The following MIA2 variants were observed in gnomAD, a reference collection of about 807,000 sequenced individuals.
MIA2 encodes the protein melanoma inhibitory activity protein 2.
Under a neutral mutation model 167.8 loss-of-function variants are expected in MIA2, and 127 were observed. The observed-to-expected ratio is 0.76, with a 90% CI of 0.66 to 0.88. The LOEUF (loss-of-function observed/expected upper bound fraction) is 0.88, where lower values mean the gene tolerates loss of function less well. Among genes scored for constraint, MIA2 ranks in the 40% least tolerant of loss-of-function variants. MIA2 has a pLI of 0.00. For synonymous variants in MIA2, 552 were observed against 541.9 expected, an observed-to-expected ratio of 1.02 and a Z score of -0.26; for missense variants, 1,690 against 1,624.7, an observed-to-expected ratio of 1.04 and a Z score of -0.69.
chr14:39,385,961 G>T (rs2075266999), intron 23 of MIA2: 1 of 816,144 alleles, frequency 1.2e-6, no homozygotes, highest in African/African-American at 1.7e-5. Context: ...GGAGGACCAG[G>T]AGCCTGTCCG....
chr14:39,319,847 C>T (rs888736189), intron 23 of MIA2, among the ~76,000 whole-genome samples: 2 of 151,882 alleles, frequency 1.3e-5, no homozygotes, highest in Admixed American at 1.3e-4. Flanking sequence ...TTAGGGTCTG[C>T]AGTGATCTCA....
At chr14:39,336,788 C>T (rs577114721) in intron 25 of MIA2, among the ~76,000 whole-genome samples, 81 of 151,928 alleles carry the variant, frequency 5.3e-4, no homozygotes, top group Non-Finnish European at 9.6e-4. Context: ...ACTTTGTCAC[C>T]CAGCTAGAGT....
At chr14:39,242,954 C>A (rs949647642) in intron 3 of MIA2, among the ~76,000 whole-genome samples, 3 of 151,790 alleles carry the variant, frequency 2.0e-5, no homozygotes, top group African/African-American at 7.3e-5. Flanking sequence ...GAAACCCCGT[C>A]TCTACTAAAA....
intron 25 of MIA2, among the ~76,000 whole-genome samples, chr14:39,336,971 G>T (rs1195494710): frequency 6.6e-6 from 1 of 152,010 alleles, no homozygotes; most frequent in South Asian, 2.1e-4. Context: ...ACCCAGTCTG[G>T]TGTCAAACTC....
intron 19 of MIA2, 75 bp from the exon 20 acceptor site, chr14:39,314,663 TA>T: frequency 2.8e-6 from 2 of 710,078 alleles, no homozygotes; most frequent in Non-Finnish European, 4.1e-6. Context: ...TTCTAATAAA[TA>T]TTTTTTTAGT....
At chr14:39,289,427 C>CTGT (rs1006129706) in intron 9 of MIA2, among the ~76,000 whole-genome samples, 1 of 152,068 alleles carries the variant, frequency 6.6e-6, no homozygotes, top group African/African-American at 2.4e-5. Context: ...GTTGGCTAGG[C>CTGT]TGTTCTTGAA....
intron 6 of MIA2, among the ~76,000 whole-genome samples, chr14:39,264,281 AT>A (rs2055310824): frequency 1.3e-5 from 2 of 152,106 alleles, no homozygotes; most frequent in African/African-American, 4.8e-5. Flanking sequence ...ATGTGACTTC[AT>A]TTTTTATGGC....
At chr14:39,384,806 ACAT>A (rs2075241249) in intron 23 of MIA2, among the ~76,000 whole-genome samples, 1 of 151,978 alleles carries the variant, frequency 6.6e-6, no homozygotes, top group Non-Finnish European at 1.5e-5. Flanking sequence ...ACACACACAC[ACAT>A]CTTATTTTCA....
intron 23 of MIA2, among the ~76,000 whole-genome samples, chr14:39,374,826 G>T: frequency 6.6e-6 from 1 of 152,208 alleles, no homozygotes; most frequent in Middle Eastern, 3.4e-3. Flanking sequence ...CTCATTTTGC[G>T]TGTAATACTT....
intron 13 of MIA2, among the ~76,000 whole-genome samples, chr14:39,297,827 T>A (rs137979977): frequency 6.6e-6 from 1 of 152,268 alleles, no homozygotes; most frequent in East Asian, 1.9e-4. Context: ...TCCTCCTTTT[T>A]TCCAGTCCTG....
chr14:39,285,741 C>A (rs1251451976), intron 9 of MIA2, among the ~76,000 whole-genome samples: 1 of 148,510 alleles, frequency 6.7e-6, no homozygotes, highest in Admixed American at 6.8e-5. Context: ...AGCTGCCGGG[C>A]GGAGGGGCTC....
chr14:39,272,551 TCTGC>T (rs1366294197), intron 6 of MIA2, among the ~76,000 whole-genome samples: 1 of 152,226 alleles, frequency 6.6e-6, no homozygotes, highest in Non-Finnish European at 1.5e-5. Context: ...CCCGCCCCTA[TCTGC>T]CTGGGCATTT....
intron 13 of MIA2, among the ~76,000 whole-genome samples, chr14:39,298,624 CAG>C (rs2061886169): frequency 7.3e-6 from 1 of 137,274 alleles, no homozygotes; most frequent in Non-Finnish European, 1.5e-5. Flanking sequence ...TCAGCCAGAA[CAG>C]AGTTTTAAAG....
At chr14:39,387,972 C>T (rs79853499) in exon 24 of MIA2, 2,898 of 152,246 alleles carry the variant, frequency 0.019, 78 homozygotes, top group African/African-American at 0.064. Context: ...ACACCTAATA[C>T]ATTTCAGTAT....
At chr14:39,251,924 A>T (rs1157567465) in intron 4 of MIA2, among the ~76,000 whole-genome samples, 13 of 152,150 alleles carry the variant, frequency 8.5e-5, no homozygotes, top group Non-Finnish European at 1.8e-4. Flanking sequence ...ACAAATGCAT[A>T]CATAGCAGGA....
At chr14:39,382,551 C>T (rs560866949) in intron 23 of MIA2, among the ~76,000 whole-genome samples, 151 of 152,236 alleles carry the variant, frequency 9.9e-4, no homozygotes, top group African/African-American at 3.4e-3. Context: ...AGTATGGTCA[C>T]GTTACTGAAT....
At chr14:39,266,895 A>C (rs971549249) in intron 6 of MIA2, 3 of 702,614 alleles carry the variant, frequency 4.3e-6, no homozygotes, top group Non-Finnish European at 5.3e-6. Context: ...CGCCGCCGCC[A>C]CCGCGGCCGC....
chr14:39,265,269 G>C (rs17693279), intron 6 of MIA2: 1 of 761,542 alleles, frequency 1.3e-6, no homozygotes, highest in East Asian at 2.8e-5. Flanking sequence ...ATGTCAAAAC[G>C]GGATCACAGT....
intron 6 of MIA2, among the ~76,000 whole-genome samples, chr14:39,260,487 T>G (rs1259650227): frequency 6.6e-6 from 1 of 152,248 alleles, no homozygotes; most frequent in Non-Finnish European, 1.5e-5. Context: ...ATGTGGCTGT[T>G]GGCTGCATAA....
Sources: gnomAD v4.1 joint callset for allele counts (sites outside exome capture counted in the v4.1 genomes callset) on GRCh38, gnomAD v4.1.1 for gene constraint, MANE v1.5 for transcripts, NCBI Gene and HGNC (gene_info 2026-07-23, HGNC 2026-07-21) for gene names.